The following XXYLT1 variants were observed in gnomAD, a reference collection of about 807,000 sequenced individuals.
XXYLT1 encodes xyloside xylosyltransferase 1, also known as UDP-xylose:alpha-xyloside alpha-1,3-xylosyltransferase.
In XXYLT1, 20 loss-of-function variants were observed where a neutral mutation model predicts 28.9. That is an observed-to-expected ratio of 0.69 (90% CI 0.49 to 1.00). XXYLT1 has a LOEUF of 1.00. Among genes scored for constraint, XXYLT1 ranks in the 50% least tolerant of loss-of-function variants. The probability of loss-of-function intolerance (pLI) is 0.00; values close to 1 mark genes in which losing one functional copy is unlikely to be tolerated. For synonymous variants in XXYLT1, 257 were observed against 253.8 expected (o/e 1.01, Z -0.12); for missense variants, 542 against 560.1 (o/e 0.97, Z 0.33).
Position 195,077,913 on chromosome 3 carries a change from C to T in XXYLT1, c.786-7802G>A, listed in dbSNP as rs1406584138. Among the ~76,000 whole-genome samples the T allele has an allele frequency of 1.3e-5, 2 of 152,176 alleles. No individual in the cohort carries two copies. Among genetic ancestry groups the T allele is most frequent in the African/African-American group, 4.8e-5 (2 of 41,448 alleles). On this transcript the variant is annotated intron_variant, in intron 3 of 3. Coordinates refer to ENST00000310380, the MANE Select transcript of XXYLT1 (RefSeq NM_152531.5). The surrounding 1 kb of genome is among the most constrained non-coding windows in gnomAD (Gnocchi z 4.8). ...TGGGGTTGTCAGTCACGTGACCTTC[C>T]CCCAGCATCTGCAGCCCTGGAGCTG...
chr3:195,134,051 AAGAC>A (rs1027850024), intron 3 of XXYLT1, among the ~76,000 whole-genome samples: 9 of 152,136 alleles, frequency 5.9e-5, no homozygotes, highest in African/African-American at 9.7e-5. Context: ...TGCCAAGTAA[AAGAC>A]AGACAGACAG....
At chr3:195,253,795 G>T (rs185710626) in intron 1 of XXYLT1, among the ~76,000 whole-genome samples, 4 of 152,214 alleles carry the variant, frequency 2.6e-5, no homozygotes, top group Admixed American at 2.0e-4. Context: ...CACCGCGCCC[G>T]GCCTGTTCAC....
chr3:195,259,674 G>C, intron 1 of XXYLT1: 2 of 985,456 alleles, frequency 2.0e-6, no homozygotes, highest in Non-Finnish European at 2.4e-6. Context: ...AGGACGCCGG[G>C]CTCCAGGCCA....
intron 1 of XXYLT1, among the ~76,000 whole-genome samples, chr3:195,243,283 A>T (rs957359881): frequency 2.6e-5 from 4 of 151,980 alleles, no homozygotes; most frequent in African/African-American, 4.8e-5. Flanking sequence ...TGGGTGCAGC[A>T]CACCATCATG....
chr3:195,258,791 G>A (rs1044064129), intron 1 of XXYLT1, among the ~76,000 whole-genome samples: 7 of 152,184 alleles, frequency 4.6e-5, no homozygotes, highest in African/African-American at 1.7e-4. Flanking sequence ...ACAATATATT[G>A]CCAAGAGGTA....
At chr3:195,123,443 C>A (rs747149588) in intron 3 of XXYLT1, among the ~76,000 whole-genome samples, 9 of 152,180 alleles carry the variant, frequency 5.9e-5, no homozygotes, top group Non-Finnish European at 1.3e-4. Flanking sequence ...TCTGGGAGAA[C>A]ACGGAGGTGC....
intron 3 of XXYLT1, among the ~76,000 whole-genome samples, chr3:195,104,429 T>C (rs1716978498): frequency 6.6e-6 from 1 of 151,440 alleles, no homozygotes; most frequent in African/African-American, 2.4e-5. Context: ...AGTGCCCAGG[T>C]GAGCAGTTCC....
At chr3:195,185,314 C>T (rs536112872) in intron 2 of XXYLT1, among the ~76,000 whole-genome samples, 113 of 152,130 alleles carry the variant, frequency 7.4e-4, no homozygotes, top group Admixed American at 2.6e-3. Flanking sequence ...AATATTCCAT[C>T]GTGGTCATCT....
At chr3:195,258,502 A>C (rs533721132) in intron 1 of XXYLT1, among the ~76,000 whole-genome samples, 44 of 152,362 alleles carry the variant, frequency 2.9e-4, no homozygotes, top group Non-Finnish European at 1.9e-4. Flanking sequence ...AACAAATTTG[A>C]ATTGGAACCT....
At chr3:195,186,001 C>T (rs913645968) in intron 2 of XXYLT1, among the ~76,000 whole-genome samples, 16 of 152,322 alleles carry the variant, frequency 1.1e-4, no homozygotes, top group Admixed American at 3.3e-4. Context: ...ACACCTACCA[C>T]GAGCTCTCAA....
chr3:195,099,353 G>C (rs536099916), intron 3 of XXYLT1, among the ~76,000 whole-genome samples: 7 of 152,178 alleles, frequency 4.6e-5, no homozygotes, highest in Non-Finnish European at 1.0e-4. Flanking sequence ...TGACCACAGA[G>C]AGACATATTT....
At position 195,134,519 on chromosome 3, in the gene XXYLT1, C is replaced by T. The variant is rs190632554; in HGVS notation, c.785+21930G>A. 511 of 155,618 alleles carry T rather than the reference C, an allele frequency of 3.3e-3. 4 individuals are homozygous for T. Among genetic ancestry groups the T allele is most frequent in the African/African-American group, 0.012 (500 of 41,614 alleles). The allele number at this position is 155,618 out of a possible 1,614,324, so 9.6% of individuals were successfully genotyped here. ...AGAAACATGTTGTACAGGTTTGTAG[C>T]CCAGGAGCACGAGGCTACCCCTATA... On this transcript the variant is annotated intron_variant, in intron 3 of 3. Transcript: ENST00000310380.
rs372690737 is a variant in XXYLT1, at chr3:195,069,838, G to A, written c.1059C>T (p.Asn353=). ...KLFHVLDCTW[N]RQLCTWWRDH... ...CCCTCCACCAGGTGCACAGCTGCCGGTTCCAGGTACAGTCCAGCACATGGA... is the reference window on the plus strand; with the variant it reads ...CCCTCCACCAGGTGCACAGCTGCCGATTCCAGGTACAGTCCAGCACATGGA... The change falls in exon 4 of 4, where the codon AAC becomes AAT. Residue 353 remains asparagine (N), a synonymous_variant. Transcript: ENST00000310380. The A allele has an allele frequency of 1.4e-5, 23 of 1,614,070 alleles. No homozygotes were observed. Among genetic ancestry groups the A allele is most frequent in the Non-Finnish European group, 1.9e-5 (23 of 1,180,036 alleles).
At chr3:195,172,455 G>A (rs778692409) in intron 2 of XXYLT1, among the ~76,000 whole-genome samples, 11 of 152,180 alleles carry the variant, frequency 7.2e-5, no homozygotes, top group African/African-American at 1.7e-4. Context: ...AACAGTACCC[G>A]CAGCCAGCAA....
At chr3:195,106,589 C>G (rs966238088) in intron 3 of XXYLT1, among the ~76,000 whole-genome samples, 3 of 152,300 alleles carry the variant, frequency 2.0e-5, no homozygotes, top group African/African-American at 7.2e-5. Flanking sequence ...GCGACACAGG[C>G]GAGACCCCTG....
chr3:195,192,872 T>C (rs1034099170), intron 2 of XXYLT1, among the ~76,000 whole-genome samples: 1 of 152,214 alleles, frequency 6.6e-6, no homozygotes, highest in Non-Finnish European at 1.5e-5. Context: ...GACATAATCC[T>C]GTATGTTAAA....
intron 2 of XXYLT1, among the ~76,000 whole-genome samples, chr3:195,191,244 C>T (rs999841746): frequency 6.6e-5 from 10 of 152,218 alleles, no homozygotes; most frequent in African/African-American, 2.4e-4. Context: ...CCTCCCCTTC[C>T]ACCTCCTCCA....
rs76720079 is a variant in XXYLT1 at position 195,211,537 on chromosome 3, T to G, written c.652+15172A>C. Among the ~76,000 whole-genome samples the G allele has an allele frequency of 9.3e-3, 1,423 of 152,370 alleles. 18 individuals are homozygous for G. The highest frequency in any genetic ancestry group is 0.031 in the South Asian group (150 of 4,828). On this transcript the variant is annotated intron_variant, in intron 2 of 3. Transcript: ENST00000310380. ...ATTTATTGACTGCCTACTATGTGTC[T>G]GTATCGCTCTGGGAACTGGGAACAC...
chr3:195,213,859 T>C (rs746832891), intron 2 of XXYLT1, among the ~76,000 whole-genome samples: 85 of 152,278 alleles, frequency 5.6e-4, no homozygotes, highest in Admixed American at 6.5e-4. Context: ...ACTATTCCCA[T>C]TTTACAGACA....
Sources: gnomAD v4.1 joint callset for allele counts (sites outside exome capture counted in the v4.1 genomes callset) on GRCh38, gnomAD v4.1.1 for gene constraint, Gnocchi (gnomAD v3.1) non-coding constraint, MANE v1.5 for transcripts, NCBI Gene and HGNC (gene_info 2026-07-23, HGNC 2026-07-21) for gene names.